DLC1: variants seen among roughly 807,000 people sequenced by gnomAD.
The protein encoded by DLC1 is rho GTPase-activating protein 7.
In DLC1, 54 loss-of-function variants were observed where a neutral mutation model predicts 140.3. The observed-to-expected ratio is 0.38, with a 90% CI of 0.31 to 0.48. The LOEUF is 0.48. Ranked by LOEUF, DLC1 falls within the 20% of genes least tolerant of loss-of-function variation. The pLI, the probability that DLC1 is intolerant of heterozygous loss-of-function variation, is 0.96. For missense variants in DLC1, 2,536 were observed against 1,907.0 expected (o/e 1.33, Z -6.14); for synonymous variants, 986 against 728.1 (o/e 1.35, Z -5.70).
chr8:13,310,690 C>T (rs944577953), intron 4 of DLC1, among the ~76,000 whole-genome samples: 6 of 152,298 alleles, frequency 3.9e-5, no homozygotes, highest in Admixed American at 3.3e-4. Context: ...TATTGTTAGC[C>T]AGTCAATGAT....
chr8:13,230,576 A>ATTTTTTC (rs1231439924), intron 5 of DLC1, among the ~76,000 whole-genome samples: 2 of 147,282 alleles, frequency 1.4e-5, no homozygotes, highest in Non-Finnish European at 3.0e-5. Context: ...ATAGATATAG[A>ATTTTTTC]TTTTTTCTTT....
In DLC1 at chr8:13,494,392, G is replaced by A. The variant is rs149807498; in HGVS notation, c.1023+4657C>T. On this transcript the variant is annotated intron_variant, in intron 2 of 17. Transcript: ENST00000276297. The stretch of plus-strand genomic sequence containing the variant: ...CCCATGCAACTAAATTCTAGCCCAT[G>A]AAATTGCAGTGAAGCCGACGACCTG... 4.9e-3 allele frequency among the ~76,000 whole-genome samples: 742 copies of A among 152,272 alleles called. 4 individuals carry two copies. Among genetic ancestry groups the A allele is most frequent in the African/African-American group, 0.017 (715 of 41,564 alleles).
At chr8:13,277,844 C>A (rs900041095) in intron 5 of DLC1, among the ~76,000 whole-genome samples, 3 of 152,120 alleles carry the variant, frequency 2.0e-5, no homozygotes, top group African/African-American at 7.2e-5. Flanking sequence ...AGAAGCCATG[C>A]AAATGCTAAT....
chr8:13,242,058 G>A (rs1829567160), intron 5 of DLC1, among the ~76,000 whole-genome samples: 1 of 152,048 alleles, frequency 6.6e-6, no homozygotes, highest in Non-Finnish European at 1.5e-5. Context: ...TTAACTAGGA[G>A]GATCTCTTTT....
intron 2 of DLC1, among the ~76,000 whole-genome samples, chr8:13,419,938 T>G (rs1038588968): frequency 6.6e-6 from 1 of 152,218 alleles, no homozygotes; most frequent in Non-Finnish European, 1.5e-5. Context: ...TGCTTTAGTC[T>G]TGGGAGAGTG....
intron 5 of DLC1, among the ~76,000 whole-genome samples, chr8:13,294,974 T>C (rs1194929001): frequency 6.6e-6 from 1 of 152,184 alleles, no homozygotes; most frequent in African/African-American, 2.4e-5. Context: ...CTTGTTATTA[T>C]TACCAATTCA....
At chr8:13,170,361 T>C (rs1322028386) in intron 5 of DLC1, among the ~76,000 whole-genome samples, 1 of 152,194 alleles carries the variant, frequency 6.6e-6, no homozygotes, top group Admixed American at 6.5e-5. Context: ...AACTAGAAAT[T>C]AATAGTAGTC....
intron 2 of DLC1, among the ~76,000 whole-genome samples, chr8:13,444,462 A>G (rs901960357): frequency 6.6e-6 from 1 of 152,198 alleles, no homozygotes; most frequent in Non-Finnish European, 1.5e-5. Context: ...AAAAAAAAGA[A>G]TTCCTGGTTT....
intron 2 of DLC1, among the ~76,000 whole-genome samples, chr8:13,476,091 G>A (rs1449151966): frequency 6.6e-6 from 1 of 152,160 alleles, no homozygotes; most frequent in Non-Finnish European, 1.5e-5. Flanking sequence ...ATTGTGATGA[G>A]GAAAATACAT....
intron 2 of DLC1, among the ~76,000 whole-genome samples, chr8:13,469,618 T>C (rs536713332): frequency 6.6e-6 from 1 of 152,338 alleles, no homozygotes; most frequent in South Asian, 2.1e-4. Context: ...ATATGTTGTA[T>C]AATTTTTCAT....
At chr8:13,170,708 C>A (rs927131303) in intron 5 of DLC1, among the ~76,000 whole-genome samples, 1 of 131,214 alleles carries the variant, frequency 7.6e-6, no homozygotes, top group Non-Finnish European at 1.5e-5. Context: ...CCAGCCTGGG[C>A]GACAGAGCAA....
In DLC1 at chr8:13,207,735, C is replaced by T. The variant is rs1036212033; in HGVS notation, c.1349-92078G>A. 5.3e-5 allele frequency among the ~76,000 whole-genome samples: 8 copies of T among 152,224 alleles called. No individual in the cohort carries two copies. The East Asian group carries it at 1.4e-3, about 26-fold the overall frequency. On this transcript the variant is annotated intron_variant, in intron 5 of 17. Transcript: ENST00000276297. The stretch of plus-strand genomic sequence containing the variant: ...GTGTCTGGAGAGGTTTTGGCTGTCA[C>T]ACCTGGGGGAGGTACTGCCGACATA...
chr8:13,455,779 G>A (rs1484999951), intron 2 of DLC1, among the ~76,000 whole-genome samples: 2 of 152,214 alleles, frequency 1.3e-5, no homozygotes, highest in African/African-American at 2.4e-5. Flanking sequence ...GAGAGGCCAA[G>A]GCTGGAGGAG....
chr8:13,416,532 T>C (rs116401564), intron 2 of DLC1, among the ~76,000 whole-genome samples: 1,545 of 152,268 alleles, frequency 0.01, 26 homozygotes, highest in African/African-American at 0.034. Flanking sequence ...AGGAGGGAAG[T>C]GGAAGCAGAG....
intron 1 of DLC1, among the ~76,000 whole-genome samples, chr8:13,598,832 T>G (rs1805768460): frequency 6.6e-6 from 1 of 151,994 alleles, no homozygotes. Flanking sequence ...ATGAATGAAC[T>G]AAAATTCTGA....
chr8:13,375,762 ATCAT>A (rs1835952418), intron 4 of DLC1, among the ~76,000 whole-genome samples: 1 of 148,280 alleles, frequency 6.7e-6, no homozygotes, highest in Non-Finnish European at 1.5e-5. Flanking sequence ...TGAGAAAGGA[ATCAT>A]TTATATTTGT....
At chr8:13,215,131 A>T (rs1255202298) in intron 5 of DLC1, among the ~76,000 whole-genome samples, 1 of 152,242 alleles carries the variant, frequency 6.6e-6, no homozygotes, top group East Asian at 1.9e-4. Flanking sequence ...GGAAGCTTAC[A>T]TGCTAACGGA....
At chr8:13,456,512 C>A (rs185218468) in intron 2 of DLC1, among the ~76,000 whole-genome samples, 4 of 151,806 alleles carry the variant, frequency 2.6e-5, no homozygotes, top group African/African-American at 9.7e-5. Context: ...CAGAGTGGAG[C>A]GCAGGGCTGG....
intron 5 of DLC1, among the ~76,000 whole-genome samples, chr8:13,278,909 G>A (rs1831267247): frequency 6.6e-6 from 1 of 152,178 alleles, no homozygotes; most frequent in African/African-American, 2.4e-5. Flanking sequence ...GAGGAAACTT[G>A]AAGCTTAGAA....
Sources: gnomAD v4.1 joint callset for allele counts (sites outside exome capture counted in the v4.1 genomes callset) on GRCh38, gnomAD v4.1.1 for gene constraint, MANE v1.5 for transcripts, NCBI Gene and HGNC (gene_info 2026-07-23, HGNC 2026-07-21) for gene names.